Variants in VPS13D observed in about 807,000 individuals in gnomAD.
The protein encoded by VPS13D is vacuolar protein sorting 13 homolog D.
VPS13D carries 187 observed loss-of-function variants against 461.9 expected under a neutral mutation model. The ratio of observed to expected loss-of-function variants is 0.40; its 90% CI spans 0.36 to 0.46. The LOEUF (loss-of-function observed/expected upper bound fraction) is 0.46. Among genes scored for constraint, VPS13D ranks in the 20% least tolerant of loss-of-function variants. The probability of loss-of-function intolerance (pLI) is 0.60; values close to 1 mark genes in which losing one functional copy is unlikely to be tolerated. For synonymous variants in VPS13D, 1,951 were observed against 1,986.3 expected, an observed-to-expected ratio of 0.98 and a Z score of 0.47; for missense variants, 4,711 against 5,364.9, an observed-to-expected ratio of 0.88 and a Z score of 3.81.
Position 12,277,056 on chromosome 1 carries a change from C to T in VPS13D, c.3468C>T (p.Tyr1156=). ...FERSFREQGT[Y]QSTYEQNTEV... ...GAAGCTTCAGAGAACAAGGAACTTACCAGTCTACATATGAACAAAACACTG... is the reference window on the plus strand; with the variant it reads ...GAAGCTTCAGAGAACAAGGAACTTATCAGTCTACATATGAACAAAACACTG... Residue 1156 remains tyrosine, a synonymous_variant, in exon 19 of 70, where the codon TAC becomes TAT. Coordinates refer to ENST00000620676, the MANE Select transcript of VPS13D (RefSeq NM_015378.4). 1 of 1,614,114 alleles carries T rather than the reference C, an allele frequency of 6.2e-7. No individual in the cohort carries two copies. Among genetic ancestry groups the T allele is most frequent in the Non-Finnish European group, 8.5e-7 (1 of 1,180,020 alleles).
At chr1:12,450,490 G>A (rs1209016133) in intron 65 of VPS13D, among the ~76,000 whole-genome samples, 2 of 152,106 alleles carry the variant, frequency 1.3e-5, no homozygotes, top group Admixed American at 6.5e-5. Context: ...TGACGATGAC[G>A]TAAAAGCTAT....
chr1:12,265,727 C>G (rs1641247553), intron 13 of VPS13D, among the ~76,000 whole-genome samples: 1 of 152,098 alleles, frequency 6.6e-6, no homozygotes, highest in Non-Finnish European at 1.5e-5. Flanking sequence ...AGAAGTGGAA[C>G]CTGAAGATGT....
chr1:12,426,054 G>A (rs1644921354), intron 65 of VPS13D, among the ~76,000 whole-genome samples: 1 of 152,170 alleles, frequency 6.6e-6, no homozygotes, highest in Non-Finnish European at 1.5e-5. Flanking sequence ...TAAGTTTTCC[G>A]AATTAATCTT....
At chr1:12,349,747 T>C (rs1284876078) in intron 46 of VPS13D, among the ~76,000 whole-genome samples, 2 of 152,214 alleles carry the variant, frequency 1.3e-5, no homozygotes, top group African/African-American at 4.8e-5. Flanking sequence ...GTTTTTTGAA[T>C]GAGAGATTTC....
chr1:12,290,306 G>A (rs1274800618), intron 22 of VPS13D, among the ~76,000 whole-genome samples: 1 of 152,038 alleles, frequency 6.6e-6, no homozygotes, highest in African/African-American at 2.4e-5. Context: ...TTTCTGACAC[G>A]TCCTCCTTTA....
At chr1:12,400,967 C>CACACACAT (rs1644570298) in intron 61 of VPS13D, among the ~76,000 whole-genome samples, 1 of 126,382 alleles carries the variant, frequency 7.9e-6, no homozygotes, top group Non-Finnish European at 1.7e-5. Context: ...CGCGCGCACA[C>CACACACAT]ACACACACAC....
intron 54 of VPS13D, among the ~76,000 whole-genome samples, chr1:12,371,332 C>A (rs1175253443): frequency 1.3e-5 from 2 of 151,560 alleles, no homozygotes; most frequent in South Asian, 2.1e-4. Context: ...TGGATTCTTT[C>A]ACTTAGCATA....
intron 15 of VPS13D, 140 bp downstream of exon 15, chr1:12,268,060 C>T (rs773208183): frequency 6.5e-6 from 4 of 612,612 alleles, no homozygotes; most frequent in African/African-American, 1.9e-5. Context: ...CTCCCGGGTT[C>T]GAGTGATTCT....
intron 67 of VPS13D, among the ~76,000 whole-genome samples, chr1:12,487,362 G>A (rs1161112035): frequency 6.6e-6 from 1 of 152,108 alleles, no homozygotes; most frequent in Non-Finnish European, 1.5e-5. Flanking sequence ...GTAATCCCCA[G>A]CACTTTGGGA....
intron 1 of VPS13D, among the ~76,000 whole-genome samples, chr1:12,232,354 C>G (rs1306539251): frequency 1.3e-5 from 2 of 152,182 alleles, no homozygotes; most frequent in Admixed American, 1.3e-4. Flanking sequence ...GGATGGCAGC[C>G]TCTCAGTTGG....
In VPS13D at chr1:12,242,608, AG is replaced by A. The variant is rs1557659297; in HGVS notation, c.175+23del. The stretch of plus-strand genomic sequence containing the variant: ...CAAAGCTGGTATGTGGAACTAAAGG[AG>A]GGGGAAGAAATTTGAGTCTTAAATT... On this transcript the variant is annotated intron_variant, in intron 3 of 69. Coordinates refer to ENST00000620676, the MANE Select transcript of VPS13D (RefSeq NM_015378.4). 6.2e-7 allele frequency: 1 copy of A among 1,608,650 alleles called. No individual in the cohort carries two copies. The highest frequency in any genetic ancestry group is 8.5e-7 in the Non-Finnish European group (1 of 1,175,334).
Position 12,268,807 on chromosome 1 carries a change from A to G in VPS13D, c.1903A>G (p.Ile635Val). 3 of 1,614,178 alleles carry G rather than the reference A, an allele frequency of 1.9e-6. No homozygotes were observed. The highest frequency in any genetic ancestry group is 2.5e-6 in the Non-Finnish European group (3 of 1,180,004). The change falls in exon 16 of 70, where the codon ATC becomes GTC. Residue 635 changes from isoleucine (I) to valine (V), a missense_variant. By Grantham distance (29) the Ile-to-Val change is conservative. Around this residue, in one of 3 missense-constraint regions of VPS13D, gnomAD observed 4,411 missense variants for 4,937.8 expected, o/e 0.89. Coordinates refer to ENST00000620676, the MANE Select transcript of VPS13D (RefSeq NM_015378.4). ...CAATGTCAGCACAAGGCCCTTGAACATCATATACAATCCGCAGGCCATTAA... is the reference window on the plus strand; with the variant it reads ...CAATGTCAGCACAAGGCCCTTGAACGTCATATACAATCCGCAGGCCATTAA... ...RLNVSTRPLN[I>V]IYNPQAIKKV...
At chr1:12,232,148 T>C (rs745318947) in intron 1 of VPS13D, among the ~76,000 whole-genome samples, 1 of 144,556 alleles carries the variant, frequency 6.9e-6, no homozygotes, top group East Asian at 2.0e-4. Flanking sequence ...TTATATTCCA[T>C]TTGCAGAAAA....
At chr1:12,247,416 CAA>C (rs756459129) in intron 5 of VPS13D, among the ~76,000 whole-genome samples, 8 of 90,886 alleles carry the variant, frequency 8.8e-5, no homozygotes, top group Admixed American at 1.3e-4. Flanking sequence ...GACTCCATCT[CAA>C]AAAAAAAAAA....
chr1:12,407,336 T>C (rs978215670), intron 63 of VPS13D: 2 of 152,246 alleles, frequency 1.3e-5, no homozygotes, highest in Non-Finnish European at 2.9e-5. Flanking sequence ...TTATGGTATA[T>C]AGACAGGTAT....
rs534993406 is a variant in VPS13D, at chr1:12,432,748, A to C, written c.12333+15921A>C. ...GTAGCTGGGACTACGGGAGCACACC[A>C]CCACACCTGGCTAAATTTTTTTTTC... On this transcript the variant is annotated intron_variant, in intron 65 of 69. Coordinates refer to ENST00000620676, the MANE Select transcript of VPS13D (RefSeq NM_015378.4). Among the ~76,000 whole-genome samples the C allele has an allele frequency of 2.0e-5, 3 of 151,274 alleles. No individual in the cohort carries two copies. In the East Asian group the frequency reaches 5.8e-4, roughly 29 times the overall value.
chr1:12,319,358 T>G, intron 31 of VPS13D, 139 bp from the exon 32 acceptor site: 1 of 1,213,608 alleles, frequency 8.2e-7, no homozygotes, highest in Non-Finnish European at 1.2e-6. Flanking sequence ...TGTTAGTAAA[T>G]GTCAGCAGAC....
At chr1:12,390,722 G>C (rs893777702) in intron 60 of VPS13D, among the ~76,000 whole-genome samples, 1 of 152,168 alleles carries the variant, frequency 6.6e-6, no homozygotes, top group African/African-American at 2.4e-5. Context: ...GCTCAGTGTT[G>C]GTCTCTGCTG....
intron 21 of VPS13D, 78 bp downstream of exon 21, chr1:12,283,814 A>G (rs1641884032): frequency 7.2e-7 from 1 of 1,387,274 alleles, no homozygotes. Context: ...AGCACTTTAC[A>G]TTTACTTTGG....
Sources: allele counts gnomAD v4.1 joint callset (sites outside exome capture counted in the v4.1 genomes callset), GRCh38; gene constraint gnomAD v4.1.1; regional missense constraint gnomAD v4.1.1; transcripts MANE v1.5; gene names NCBI Gene and HGNC (gene_info 2026-07-23, HGNC 2026-07-21).